TTC27: variants seen among roughly 807,000 people sequenced by gnomAD.
The protein encoded by TTC27 is tetratricopeptide repeat protein 27.
TTC27 carries 79 observed loss-of-function variants against 115.9 expected under a neutral mutation model. The observed-to-expected ratio is 0.68, with a 90% CI of 0.57 to 0.82. The LOEUF (loss-of-function observed/expected upper bound fraction) is 0.82, where lower values mean the gene tolerates loss of function less well. Ranked by LOEUF, TTC27 falls within the 40% of genes least tolerant of loss-of-function variation. The pLI is 0.00. For missense variants in TTC27, 1,054 were observed against 993.1 expected, an observed-to-expected ratio of 1.06 and a Z score of -0.82; for synonymous variants, 401 against 356.0, an observed-to-expected ratio of 1.13 and a Z score of -1.42.
At chr2:32,808,243 C>T (rs967278363) in intron 16 of TTC27, among the ~76,000 whole-genome samples, 1 of 152,120 alleles carries the variant, frequency 6.6e-6, no homozygotes, top group African/African-American at 2.4e-5. Flanking sequence ...CCTACTTGCC[C>T]TCTTCTTAAA....
chr2:32,698,994 ATTT>A (rs1356391767), intron 9 of TTC27, among the ~76,000 whole-genome samples: 3 of 152,104 alleles, frequency 2.0e-5, no homozygotes, highest in Non-Finnish European at 4.4e-5. Flanking sequence ...TATTAGGTGG[ATTT>A]TCATGAGCAC....
chr2:32,658,596 A>G (rs1439918446), intron 5 of TTC27, among the ~76,000 whole-genome samples: 3 of 152,316 alleles, frequency 2.0e-5, no homozygotes, highest in Non-Finnish European at 2.9e-5. Flanking sequence ...TGTTCCATTC[A>G]TTCATTATGT....
Position 32,678,921 on chromosome 2 carries a change from C to G in TTC27, c.1118C>G (p.Ser373Ter). 6.2e-7 allele frequency: 1 copy of G among 1,612,334 alleles called. No individual in the cohort carries two copies. Among genetic ancestry groups the G allele is most frequent in the Non-Finnish European group, 8.5e-7 (1 of 1,178,690 alleles). The change falls in exon 9 of 20, where the codon TCA becomes TGA. Residue 373 changes from serine (S) to a stop codon, truncating the protein, a stop_gained and splice_region_variant. Transcript: ENST00000317907. LOFTEE classifies it high-confidence loss of function. ...LTEVELLAFT[S>*]CLLSQPKFWA... ...GAAGTGGAGCTTCTGGCATTTACAT[C>G]AGTGAGTAATGTCTTTTTCTCTTCC...
rs1664157642 is a variant in TTC27 at position 32,630,786 on chromosome 2, G to A, written c.266+86G>A. On this transcript the variant is annotated intron_variant, in intron 2 of 19. Transcript: ENST00000317907. ...ACAGGGTAAGGCCCTGATTTTAGCA[G>A]TTGAGAAACCTTGCCTTATATTTTA... is the stretch of plus-strand genomic sequence containing the variant. The A allele has an allele frequency of 3.1e-6, 4 of 1,275,288 alleles. 1 individual carries two copies. Among genetic ancestry groups the A allele is most frequent in the Non-Finnish European group, 4.2e-6 (4 of 941,652 alleles). 79.0% of individuals were successfully genotyped at this position (1,275,288 alleles called of 1,614,324 possible). A position where few individuals can be genotyped will look rare whatever the true frequency, so the allele number is the denominator to read the frequency against.
At chr2:32,722,739 G>C (rs540432439) in intron 10 of TTC27, among the ~76,000 whole-genome samples, 1 of 152,202 alleles carries the variant, frequency 6.6e-6, no homozygotes, top group Non-Finnish European at 1.5e-5. Flanking sequence ...GAAGTTAATC[G>C]AGACTTTTGT....
chr2:32,705,684 A>G (rs1667344241), intron 10 of TTC27, among the ~76,000 whole-genome samples: 1 of 151,660 alleles, frequency 6.6e-6, no homozygotes, highest in Admixed American at 6.6e-5. Context: ...CAGCCTTACC[A>G]CTAGTTAGGG....
chr2:32,810,922 G>T lies in TTC27; in HGVS notation c.1999-102G>T. 3.8e-6 allele frequency: 5 copies of T among 1,317,996 alleles called. No individual in the cohort carries two copies. The Admixed American group carries it at 9.9e-5, about 26-fold the overall frequency. The allele number at this position is 1,317,996 out of a possible 1,614,324, so 81.6% of individuals were successfully genotyped here. A position where few individuals can be genotyped will look rare whatever the true frequency, so the allele number is the denominator to read the frequency against. On this transcript the variant is annotated intron_variant, in intron 16 of 19. Transcript: ENST00000317907. ...GTGATACTCTTAACAAGTTTCATAAGGTTTTTCATTGTCATTGTCTTTGAT... is the reference window on the plus strand; with the variant it reads ...GTGATACTCTTAACAAGTTTCATAATGTTTTTCATTGTCATTGTCTTTGAT...
chr2:32,725,567 A>G (rs1433052987), intron 10 of TTC27, among the ~76,000 whole-genome samples: 2 of 152,098 alleles, frequency 1.3e-5, no homozygotes, highest in African/African-American at 2.4e-5. Flanking sequence ...GGACAGCTCC[A>G]CCCCTGTGGC....
In TTC27 at chr2:32,698,277, A is replaced by G. The variant is rs77955237; in HGVS notation, c.1120-4530A>G. 4.5e-3 allele frequency among the ~76,000 whole-genome samples: 690 copies of G among 151,734 alleles called. 6 individuals are homozygous for G. The highest frequency in any genetic ancestry group is 0.016 in the African/African-American group (643 of 41,380). Reference sequence around the variant, plus strand: ...CCTGAGTAGTTGGAACTACCTGCACATGCCACCACACCCAGCAAATTTGAT... The same window carrying G: ...CCTGAGTAGTTGGAACTACCTGCACGTGCCACCACACCCAGCAAATTTGAT... On this transcript the variant is annotated intron_variant, in intron 9 of 19. Transcript: ENST00000317907.
In TTC27 at chr2:32,668,560, C is replaced by CCCTTCCTTCCTTCCTTCCTT. The variant is rs1553547640; in HGVS notation, c.939+1807_939+1826dup. Among the ~76,000 whole-genome samples the CCCTTCCTTCCTTCCTTCCTT allele has an allele frequency of 2.1e-3, 34 of 15,988 alleles. 1 individual carries two copies. The highest frequency in any genetic ancestry group is 3.2e-3 in the Admixed American group (5 of 1,570). 10.5% of individuals were successfully genotyped at this position (15,988 alleles called of 152,430 possible). The stretch of plus-strand genomic sequence containing the variant: ...TTCCTCCCTCCCTCCCTCCCTCCCT[C>CCCTTCCTTCCTTCCTTCCTT]CCTTCCTTCCTTCCTTCCTTCCTTC... On this transcript the variant is annotated intron_variant, in intron 7 of 19. Transcript: ENST00000317907.
intron 3 of TTC27, among the ~76,000 whole-genome samples, chr2:32,638,552 T>C (rs547887706): frequency 6.6e-5 from 10 of 151,912 alleles, no homozygotes; most frequent in Admixed American, 3.9e-4. Context: ...CTAATTTTTG[T>C]ATTTTTAGTA....
At chr2:32,640,435 A>C in intron 4 of TTC27, 25 bp downstream of exon 4, 1 of 1,609,632 alleles carries the variant, frequency 6.2e-7, no homozygotes, top group South Asian at 1.1e-5. Flanking sequence ...CATGAGATTC[A>C]TACCCTGGTA....
At chr2:32,780,452 T>C (rs904543798) in intron 14 of TTC27, among the ~76,000 whole-genome samples, 10 of 152,182 alleles carry the variant, frequency 6.6e-5, no homozygotes, top group Non-Finnish European at 1.2e-4. Flanking sequence ...TATTTTTTAT[T>C]TTTTTGAGAC....
At chr2:32,720,488 A>G (rs1383120425) in intron 10 of TTC27, among the ~76,000 whole-genome samples, 1 of 152,126 alleles carries the variant, frequency 6.6e-6, no homozygotes, top group Non-Finnish European at 1.5e-5. Context: ...TTCCAGTCCA[A>G]ATTTTTAGTG....
intron 10 of TTC27, among the ~76,000 whole-genome samples, chr2:32,720,434 C>CT (rs35492700): frequency 0.14 from 21,153 of 152,152 alleles, 1,889 homozygotes; most frequent in Middle Eastern, 0.28. Flanking sequence ...TCATCTGGCA[C>CT]TTCAATAATC....
chr2:32,771,740 G>A (rs373152195), intron 13 of TTC27, among the ~76,000 whole-genome samples: 3 of 152,152 alleles, frequency 2.0e-5, no homozygotes, highest in Admixed American at 6.5e-5. Flanking sequence ...TGAGCATCAA[G>A]CATCACTTTA....
intron 9 of TTC27, among the ~76,000 whole-genome samples, chr2:32,695,003 A>G (rs1666936501): frequency 6.6e-6 from 1 of 151,990 alleles, no homozygotes; most frequent in Non-Finnish European, 1.5e-5. Flanking sequence ...AAGGATTTTG[A>G]CAGTAGTGGT....
intron 10 of TTC27, among the ~76,000 whole-genome samples, chr2:32,720,650 T>C (rs1667894253): frequency 6.6e-6 from 1 of 152,148 alleles, no homozygotes. Flanking sequence ...TCTTATTGGG[T>C]TTCCTAAAAA....
chr2:32,655,247 C>T (rs1403542737), intron 5 of TTC27, among the ~76,000 whole-genome samples: 1 of 152,118 alleles, frequency 6.6e-6, no homozygotes, highest in Non-Finnish European at 1.5e-5. Context: ...GCCTTGGCCT[C>T]CCAAAGTGCT....
Sources: allele counts gnomAD v4.1 joint callset (sites outside exome capture counted in the v4.1 genomes callset), GRCh38; gene constraint gnomAD v4.1.1; transcripts MANE v1.5; gene names NCBI Gene and HGNC (gene_info 2026-07-23, HGNC 2026-07-21).